Variants in ANTXR1 observed in about 807,000 individuals in gnomAD.
ANTXR1 encodes the protein ANTXR cell adhesion molecule 1.
Under a neutral mutation model 78.1 loss-of-function variants are expected in ANTXR1, and 19 were observed. The observed-to-expected ratio is 0.24, with a 90% CI of 0.17 to 0.36. The LOEUF (loss-of-function observed/expected upper bound fraction) is 0.36, where lower values mean the gene tolerates loss of function less well. Ranked by LOEUF, ANTXR1 falls within the 10% of genes least tolerant of loss-of-function variation. ANTXR1 has a pLI of 1.00. For synonymous variants in ANTXR1, 273 were observed against 260.5 expected, an observed-to-expected ratio of 1.05 and a Z score of -0.46; for missense variants, 518 against 718.6, an observed-to-expected ratio of 0.72 and a Z score of 3.19.
intron 17 of ANTXR1, among the ~76,000 whole-genome samples, chr2:69,233,806 A>G (rs952460841): frequency 7.0e-4 from 107 of 152,162 alleles, no homozygotes; most frequent in Admixed American, 1.2e-3. Flanking sequence ...TAATAAGTAA[A>G]TATTAGAAAT....
At chr2:69,110,691 T>C (rs1027627975) in intron 10 of ANTXR1, among the ~76,000 whole-genome samples, 1 of 151,982 alleles carries the variant, frequency 6.6e-6, no homozygotes, top group Non-Finnish European at 1.5e-5. Context: ...AAACCCCGTC[T>C]CCACTAAAAA....
chr2:69,061,938 A>G (rs2104167062), intron 3 of ANTXR1, among the ~76,000 whole-genome samples: 1 of 152,298 alleles, frequency 6.6e-6, no homozygotes. Context: ...ATGGTCAACC[A>G]GAAAAGCCCA....
chr2:69,103,405 T>C (rs1280656811), intron 10 of ANTXR1: 1 of 211,466 alleles, frequency 4.7e-6, no homozygotes, highest in Non-Finnish European at 9.6e-6. Flanking sequence ...CTAAATGCAT[T>C]AATCTTGAAT....
intron 4 of ANTXR1, 103 bp from the exon 5 acceptor site, chr2:69,071,651 C>A: frequency 8.8e-7 from 1 of 1,134,412 alleles, no homozygotes; most frequent in Non-Finnish European, 1.3e-6. Context: ...GGAATCAAGA[C>A]TGAATTGGCT....
intron 17 of ANTXR1, among the ~76,000 whole-genome samples, chr2:69,197,107 T>C (rs562146011): frequency 6.6e-6 from 1 of 152,344 alleles, no homozygotes; most frequent in South Asian, 2.1e-4. Context: ...TCCCTCTTTT[T>C]GCCTGCGGTG....
intron 3 of ANTXR1, among the ~76,000 whole-genome samples, chr2:69,053,986 GTATGTACATATATATGCA>G (rs1398749765): frequency 7.9e-5 from 12 of 152,058 alleles, no homozygotes; most frequent in Admixed American, 2.0e-4. Context: ...ACCAATATGT[GTATGTACATATATATGCA>G]TATGTACATA....
At chr2:69,215,430 T>C (rs142973127) in intron 17 of ANTXR1, among the ~76,000 whole-genome samples, 77 of 152,334 alleles carry the variant, frequency 5.1e-4, no homozygotes, top group African/African-American at 1.8e-3. Flanking sequence ...GCTCAGAGCA[T>C]AGTCAAAACT....
intron 10 of ANTXR1, among the ~76,000 whole-genome samples, chr2:69,122,507 CA>C (rs1410464700): frequency 2.6e-5 from 4 of 152,228 alleles, no homozygotes; most frequent in African/African-American, 7.2e-5. Flanking sequence ...CTCAACTGCA[CA>C]TACCACAGGA....
chr2:69,178,881 A>G lies in ANTXR1; in HGVS notation c.1090-2905A>G, dbSNP rs1305996899. ...TAATTAGATGAGCTCCTAAAAAATT[A>G]AGAGGCTCATGAACCTAGTTGAGTC... On this transcript the variant is annotated intron_variant, in intron 14 of 17. Transcript: ENST00000303714. 3.3e-5 allele frequency among the ~76,000 whole-genome samples: 5 copies of G among 152,212 alleles called. No individual in the cohort carries two copies. In the East Asian group the frequency reaches 5.8e-4, roughly 18 times the overall value.
chr2:69,167,884 G>T (rs1416066592), intron 13 of ANTXR1, among the ~76,000 whole-genome samples: 2 of 152,078 alleles, frequency 1.3e-5, no homozygotes, highest in Admixed American at 1.3e-4. Context: ...TTGTGTTTTG[G>T]GTTCCTTAGG....
At chr2:69,189,790 T>C (rs1036647677) in intron 16 of ANTXR1, among the ~76,000 whole-genome samples, 1 of 152,124 alleles carries the variant, frequency 6.6e-6, no homozygotes, top group Non-Finnish European at 1.5e-5. Context: ...GAGAGATTGG[T>C]GGTGCCATGA....
chr2:69,077,903 T>C (rs1165224075), intron 8 of ANTXR1, among the ~76,000 whole-genome samples: 2 of 152,210 alleles, frequency 1.3e-5, no homozygotes, highest in Non-Finnish European at 2.9e-5. Flanking sequence ...AGGCTGTCCA[T>C]TGAAGTCATC....
intron 14 of ANTXR1, among the ~76,000 whole-genome samples, chr2:69,176,298 A>G (rs955571543): frequency 6.6e-6 from 1 of 152,186 alleles, no homozygotes; most frequent in Non-Finnish European, 1.5e-5. Context: ...TGGTGCCATG[A>G]CATGTGAAAT....
chr2:69,053,320 T>G (rs1669980185), intron 3 of ANTXR1, among the ~76,000 whole-genome samples: 1 of 152,028 alleles, frequency 6.6e-6, no homozygotes, highest in East Asian at 1.9e-4. Flanking sequence ...TTAGGCAGAG[T>G]AGAGACCCAG....
At chr2:69,048,533 A>G (rs900272877) in intron 3 of ANTXR1, among the ~76,000 whole-genome samples, 2 of 152,118 alleles carry the variant, frequency 1.3e-5, no homozygotes, top group Admixed American at 1.3e-4. Flanking sequence ...AGAATTTATT[A>G]TGATATAAGG....
At chr2:69,178,405 G>T (rs1255822722) in intron 14 of ANTXR1, among the ~76,000 whole-genome samples, 2 of 152,250 alleles carry the variant, frequency 1.3e-5, no homozygotes, top group Admixed American at 6.5e-5. Context: ...GACGGGCTCG[G>T]TGGCGCGGCA....
intron 2 of ANTXR1, among the ~76,000 whole-genome samples, chr2:69,043,793 C>T (rs1429897583): frequency 3.9e-5 from 6 of 152,100 alleles, no homozygotes; most frequent in Admixed American, 6.6e-5. Context: ...CTAGGCAAGA[C>T]GCCAGCTAGG....
intron 17 of ANTXR1, among the ~76,000 whole-genome samples, chr2:69,244,155 G>A (rs1417267687): frequency 6.6e-6 from 1 of 152,240 alleles, no homozygotes; most frequent in African/African-American, 2.4e-5. Flanking sequence ...TGACTCTGGA[G>A]AGCAGAGCAG....
intron 12 of ANTXR1, among the ~76,000 whole-genome samples, chr2:69,134,050 A>T (rs1672837930): frequency 6.6e-6 from 1 of 152,160 alleles, no homozygotes; most frequent in Non-Finnish European, 1.5e-5. Context: ...GTGCAGTGAG[A>T]TGGTTTCCAA....
Sources: allele counts gnomAD v4.1 joint callset (sites outside exome capture counted in the v4.1 genomes callset), GRCh38; gene constraint gnomAD v4.1.1; transcripts MANE v1.5; gene names NCBI Gene and HGNC (gene_info 2026-07-23, HGNC 2026-07-21).